UVRAG: variants seen among roughly 807,000 people sequenced by gnomAD.
The protein encoded by UVRAG is UV radiation resistance associated.
A neutral mutation model predicts 78.0 loss-of-function variants in UVRAG; 19 were observed. That is an observed-to-expected ratio of 0.24 (90% confidence interval 0.17 to 0.36). The LOEUF is 0.36. UVRAG is among the 10% of genes least tolerant of loss of function. The pLI, the probability that UVRAG is intolerant of heterozygous loss-of-function variation, is 1.00. For synonymous variants in UVRAG, 323 were observed against 324.6 expected, an observed-to-expected ratio of 1.00 and a Z score of 0.05; for missense variants, 740 against 853.8, an observed-to-expected ratio of 0.87 and a Z score of 1.66.
intron 1 of UVRAG, among the ~76,000 whole-genome samples, chr11:75,815,817 A>G (rs112646374): frequency 0.023 from 3,451 of 152,082 alleles, 140 homozygotes; most frequent in African/African-American, 0.079. Context: ...CGCCTCCCCC[A>G]ACGCAGGGAG....
chr11:75,917,670 C>A (rs1218442001), intron 6 of UVRAG, among the ~76,000 whole-genome samples: 1 of 152,180 alleles, frequency 6.6e-6, no homozygotes, highest in Non-Finnish European at 1.5e-5. Flanking sequence ...TGGAGCCACA[C>A]TCATCGCGTT....
intron 8 of UVRAG, among the ~76,000 whole-genome samples, chr11:75,995,803 T>C (rs1341192552): frequency 6.6e-6 from 1 of 152,122 alleles, no homozygotes; most frequent in Non-Finnish European, 1.5e-5. Context: ...TTTGAAATGA[T>C]GGCAAAATTT....
At chr11:75,944,292 A>G (rs1049126577) in intron 6 of UVRAG, among the ~76,000 whole-genome samples, 6 of 152,184 alleles carry the variant, frequency 3.9e-5, no homozygotes, top group African/African-American at 1.2e-4. Flanking sequence ...ATCTTAGACT[A>G]ATGTATCCAT....
chr11:76,083,487 A>G (rs970698553), intron 13 of UVRAG, among the ~76,000 whole-genome samples: 1 of 152,164 alleles, frequency 6.6e-6, no homozygotes. Flanking sequence ...ATAGTAAACG[A>G]GCTTTTGGGT....
intron 14 of UVRAG, 76 bp from the exon 15 acceptor site, chr11:76,140,635 C>A: frequency 1.4e-6 from 2 of 1,383,308 alleles, no homozygotes; most frequent in Non-Finnish European, 2.0e-6. Flanking sequence ...GTATGCTGTT[C>A]CCTGTCTCTG....
intron 8 of UVRAG, among the ~76,000 whole-genome samples, chr11:75,988,527 T>C (rs1279810806): frequency 6.6e-6 from 1 of 152,254 alleles, no homozygotes; most frequent in Non-Finnish European, 1.5e-5. Context: ...ATTGGGTTTG[T>C]TTCCAGTTTT....
chr11:76,044,543 G>A (rs369985581), intron 12 of UVRAG, among the ~76,000 whole-genome samples: 3 of 152,098 alleles, frequency 2.0e-5, no homozygotes, highest in East Asian at 1.9e-4. Context: ...AGGCTGAGGC[G>A]GGCAGATTGC....
In UVRAG at chr11:75,888,955, G is replaced by A. The variant is rs369821066; in HGVS notation, c.507+52G>A. ...ATTTTGTTTAGTGCAGGTGTGCCTT[G>A]CAGGTGTACAGGGTAGATATAATCC... On this transcript the variant is annotated intron_variant, in intron 5 of 14. Transcript: ENST00000356136. 1.3e-4 allele frequency: 186 copies of A among 1,476,096 alleles called. No homozygotes were observed. The African/African-American group carries it at 2.3e-3, about 18-fold the overall frequency. 91.4% of individuals were successfully genotyped at this position (1,476,096 alleles called of 1,614,324 possible).
In UVRAG at chr11:75,862,613, G is replaced by A. The variant is rs536867100; in HGVS notation, c.270+833G>A. Among the ~76,000 whole-genome samples, 6 of 152,294 alleles carry A rather than the reference G, an allele frequency of 3.9e-5. No individual in the cohort carries two copies. The East Asian group carries it at 1.2e-3, about 29-fold the overall frequency. On this transcript the variant is annotated intron_variant, in intron 3 of 14. Coordinates refer to ENST00000356136, the MANE Select transcript of UVRAG (RefSeq NM_003369.4). Reference sequence around the variant, plus strand: ...TATGTCTAGAACACTTGTTTCCTCAGCTGTTCGCTTGACTGAAGAGGTCTT... The same window carrying A: ...TATGTCTAGAACACTTGTTTCCTCAACTGTTCGCTTGACTGAAGAGGTCTT...
chr11:75,872,724 T>G (rs1021437563), intron 3 of UVRAG, among the ~76,000 whole-genome samples: 2 of 152,172 alleles, frequency 1.3e-5, no homozygotes, highest in African/African-American at 4.8e-5. Context: ...AGATATTGAC[T>G]TTGTCTTCCT....
intron 6 of UVRAG, 95 bp downstream of exon 6, chr11:75,912,134 A>G: frequency 1.1e-6 from 1 of 904,702 alleles, no homozygotes; most frequent in Non-Finnish European, 1.8e-6. Context: ...GAAGCTTTAG[A>G]GGCTGTTATT....
At chr11:76,085,063 CAAAAAAAAAAAAAAA>C (rs781218840) in intron 13 of UVRAG, among the ~76,000 whole-genome samples, 1 of 49,588 alleles carries the variant, frequency 2.0e-5, no homozygotes, top group Non-Finnish European at 5.2e-5. Flanking sequence ...GACCCTGTCT[CAAAAAAAAAAAAAAA>C]AAAAAAAAAA....
At chr11:75,883,826 C>T (rs7951333) in intron 4 of UVRAG, among the ~76,000 whole-genome samples, 19,604 of 152,088 alleles carry the variant, frequency 0.13, 2,736 homozygotes, top group African/African-American at 0.35. Flanking sequence ...GTCATAAAAT[C>T]CACCCTTTTT....
intron 6 of UVRAG, among the ~76,000 whole-genome samples, chr11:75,950,444 G>C (rs961124965): frequency 6.6e-6 from 1 of 152,108 alleles, no homozygotes; most frequent in Non-Finnish European, 1.5e-5. Context: ...TAGCGACAGC[G>C]TCTTGCTGTG....
rs149960590 is a variant in UVRAG, at chr11:75,855,344, G to A, written c.235+3344G>A. ...GGTGTTGCTGTTGAATCTGGCACTAGCTGTCAAGCCTCTTGAGGGCATTTA... is the reference window on the plus strand; with the variant it reads ...GGTGTTGCTGTTGAATCTGGCACTAACTGTCAAGCCTCTTGAGGGCATTTA... On this transcript the variant is annotated intron_variant, in intron 2 of 14. Coordinates refer to ENST00000356136, the MANE Select transcript of UVRAG (RefSeq NM_003369.4). 1.4e-4 allele frequency among the ~76,000 whole-genome samples: 22 copies of A among 152,348 alleles called. 1 individual carries two copies. Among genetic ancestry groups the A allele is most frequent in the African/African-American group, 4.6e-4 (19 of 41,576 alleles).
chr11:75,883,035 G>A (rs1769321708), intron 4 of UVRAG, among the ~76,000 whole-genome samples: 1 of 152,102 alleles, frequency 6.6e-6, no homozygotes, highest in Admixed American at 6.5e-5. Context: ...CCAGATCCCT[G>A]CACTGGGGTA....
intron 12 of UVRAG, among the ~76,000 whole-genome samples, chr11:76,050,768 G>A (rs1950849533): frequency 6.6e-6 from 1 of 152,092 alleles, no homozygotes; most frequent in African/African-American, 2.4e-5. Flanking sequence ...TAGATTTGAG[G>A]TTGAGTCATA....
intron 12 of UVRAG, among the ~76,000 whole-genome samples, chr11:76,026,943 C>T (rs1423836091): frequency 6.6e-6 from 1 of 151,520 alleles, no homozygotes; most frequent in Non-Finnish European, 1.5e-5. Flanking sequence ...AATTACCTAA[C>T]AGTACACCAT....
intron 1 of UVRAG, among the ~76,000 whole-genome samples, chr11:75,848,158 C>T (rs1373188650): frequency 6.6e-6 from 1 of 150,934 alleles, no homozygotes; most frequent in Non-Finnish European, 1.5e-5. Flanking sequence ...CGATCTACCA[C>T]TGTACTCCAG....
Sources: allele counts gnomAD v4.1 joint callset (sites outside exome capture counted in the v4.1 genomes callset), GRCh38; gene constraint gnomAD v4.1.1; transcripts MANE v1.5; gene names NCBI Gene and HGNC (gene_info 2026-07-23, HGNC 2026-07-21).